The following DSCAM variants were observed in gnomAD, a reference collection of about 807,000 sequenced individuals.
The protein encoded by DSCAM is DS cell adhesion molecule.
Under a neutral mutation model 217.7 loss-of-function variants are expected in DSCAM, and 47 were observed. The observed-to-expected ratio is 0.22, with a 90% CI of 0.17 to 0.28. The LOEUF is 0.28. Among genes scored for constraint, DSCAM ranks in the 10% least tolerant of loss-of-function variants. The pLI, the probability that DSCAM is intolerant of heterozygous loss-of-function variation, is 1.00. For missense variants in DSCAM, 2,080 were observed against 2,618.3 expected (o/e 0.79, Z 4.49); for synonymous variants, 1,056 against 1,015.3 (o/e 1.04, Z -0.76).
Position 40,312,204 on chromosome 21 carries a change from T to G in DSCAM, c.1939A>C (p.Asn647His), listed in dbSNP as rs575509307. The G allele has an allele frequency of 1.2e-6, 2 of 1,614,094 alleles. No homozygotes were observed. The highest frequency in any genetic ancestry group is 1.7e-5 in the Admixed American group (1 of 60,006). Reference sequence around the variant, plus strand: ...CTCAAGGAGCTCGTGAAGTCAATATTGTCAATGGTCACCCCAAGGCTCCCA... The same window carrying G: ...CTCAAGGAGCTCGTGAAGTCAATATGGTCAATGGTCACCCCAAGGCTCCCA... ...IPGSLGVTID[N>H]IDFTSSLRIS... Residue 647 changes from asparagine to histidine, a missense_variant, in exon 9 of 33, where the codon AAT (asparagine) becomes CAT (histidine). By Grantham distance (68) the Asn-to-His change is moderately conservative. Transcript: ENST00000400454.
chr21:40,163,176 G>C (rs1226502755), intron 16 of DSCAM, among the ~76,000 whole-genome samples: 1 of 151,846 alleles, frequency 6.6e-6, no homozygotes, highest in African/African-American at 2.4e-5. Flanking sequence ...AGCTGATTCT[G>C]AGACTGATTA....
At chr21:40,629,076 GGTGTGTGTGTGTGTGTGTGT>G (rs57351838) in intron 3 of DSCAM, among the ~76,000 whole-genome samples, 34 of 144,354 alleles carry the variant, frequency 2.4e-4, no homozygotes, top group Middle Eastern at 3.8e-3. Context: ...GTGTGTGTGT[GGTGTGTGTGTGTGTGTGTGT>G]GTGTGTGTGT....
At chr21:40,109,680 G>T (rs2089869715) in intron 20 of DSCAM, among the ~76,000 whole-genome samples, 1 of 152,244 alleles carries the variant, frequency 6.6e-6, no homozygotes, top group Non-Finnish European at 1.5e-5. Flanking sequence ...AAAGAAAGGG[G>T]TGACAGACGG....
chr21:40,635,069 C>T (rs1568952003), intron 3 of DSCAM, among the ~76,000 whole-genome samples: 2 of 152,136 alleles, frequency 1.3e-5, no homozygotes, highest in Non-Finnish European at 2.9e-5. Context: ...GTTCTTAGTA[C>T]TTCTGTGTTA....
chr21:40,557,771 C>T (rs111571298), intron 3 of DSCAM, among the ~76,000 whole-genome samples: 1,531 of 152,166 alleles, frequency 0.01, 31 homozygotes, highest in African/African-American at 0.035. Context: ...GAATTGTGAG[C>T]CAAGCAAACA....
At chr21:40,392,450 T>C (rs868315617) in intron 3 of DSCAM, among the ~76,000 whole-genome samples, 3 of 152,130 alleles carry the variant, frequency 2.0e-5, no homozygotes, top group Non-Finnish European at 4.4e-5. Flanking sequence ...GATTAGAAAA[T>C]GGTACTCCTG....
At chr21:40,074,950 T>A in intron 27 of DSCAM, 87 bp downstream of exon 27, 1 of 1,415,368 alleles carries the variant, frequency 7.1e-7, no homozygotes, top group East Asian at 2.4e-5. Flanking sequence ...CACTCCCTTT[T>A]GAGGTTTGTT....
intron 3 of DSCAM, among the ~76,000 whole-genome samples, chr21:40,622,524 A>G (rs2089535121): frequency 6.6e-6 from 1 of 152,188 alleles, no homozygotes; most frequent in African/African-American, 2.4e-5. Flanking sequence ...TTACTGACAA[A>G]TAAATGTTGG....
At chr21:40,714,513 T>C (rs926870271) in intron 1 of DSCAM, among the ~76,000 whole-genome samples, 3 of 152,212 alleles carry the variant, frequency 2.0e-5, no homozygotes, top group Non-Finnish European at 4.4e-5. Context: ...TTGTTTTCTC[T>C]GTTGGGTTTT....
intron 3 of DSCAM, among the ~76,000 whole-genome samples, chr21:40,583,174 T>C (rs753673569): frequency 5.9e-5 from 9 of 152,166 alleles, no homozygotes; most frequent in Non-Finnish European, 1.2e-4. Flanking sequence ...ATTTTATAAA[T>C]GTAAGGCAAA....
intron 1 of DSCAM, among the ~76,000 whole-genome samples, chr21:40,790,191 T>TTTC (rs1555889027): frequency 4.1e-5 from 6 of 147,726 alleles, no homozygotes; most frequent in Admixed American, 2.1e-4. Context: ...TTTTTTTTTT[T>TTTC]TTTTTTTTTA....
chr21:40,637,270 AAT>A lies in DSCAM; in HGVS notation c.508+55538_508+55539del, dbSNP rs1235544330. On this transcript the variant is annotated intron_variant, in intron 3 of 32. Transcript: ENST00000400454. ...ATATATATAAATATATATAAATATAAATATATATATATAAATATATATAAATA... is the reference window on the plus strand; with the variant it reads ...ATATATATAAATATATATAAATATAAATATATATATAAATATATATAAATA... 1.3e-3 allele frequency among the ~76,000 whole-genome samples: 4 copies of A among 2,988 alleles called. 1 individual carries two copies. The highest frequency in any genetic ancestry group is 0.017 in the South Asian group (1 of 60). The allele number at this position is 2,988 out of a possible 152,430, so 2.0% of individuals were successfully genotyped here.
chr21:40,542,852 A>G (rs1397189082), intron 3 of DSCAM, among the ~76,000 whole-genome samples: 1 of 152,014 alleles, frequency 6.6e-6, no homozygotes, highest in Non-Finnish European at 1.5e-5. Flanking sequence ...CATTAACCAG[A>G]CTCCAGGTCT....
intron 1 of DSCAM, among the ~76,000 whole-genome samples, chr21:40,840,388 G>A (rs1296658713): frequency 6.6e-6 from 1 of 151,964 alleles, no homozygotes; most frequent in African/African-American, 2.4e-5. Flanking sequence ...GGCGGAGTGG[G>A]CGGGGAACCT....
intron 3 of DSCAM, among the ~76,000 whole-genome samples, chr21:40,406,090 C>T (rs180993739): frequency 3.5e-4 from 53 of 152,158 alleles, no homozygotes; most frequent in South Asian, 3.3e-3. Flanking sequence ...AATTTAAAAC[C>T]GCAATAACGT....
intron 27 of DSCAM, among the ~76,000 whole-genome samples, chr21:40,068,833 C>A (rs1269736313): frequency 6.6e-6 from 1 of 152,112 alleles, no homozygotes; most frequent in Non-Finnish European, 1.5e-5. Flanking sequence ...TGCCTATAAT[C>A]CCAGCACTTT....
At chr21:40,699,785 T>G (rs1463092547) in intron 2 of DSCAM, among the ~76,000 whole-genome samples, 1 of 152,190 alleles carries the variant, frequency 6.6e-6, no homozygotes, top group East Asian at 1.9e-4. Context: ...GCTACTGAGA[T>G]TTAAAGAAAG....
intron 3 of DSCAM, among the ~76,000 whole-genome samples, chr21:40,535,734 A>G (rs1006560824): frequency 6.6e-6 from 1 of 152,186 alleles, no homozygotes; most frequent in Non-Finnish European, 1.5e-5. Flanking sequence ...AATACATAAC[A>G]TGCTAAAGGT....
At chr21:40,083,195 G>A (rs1181858733) in intron 24 of DSCAM, among the ~76,000 whole-genome samples, 2 of 152,198 alleles carry the variant, frequency 1.3e-5, no homozygotes, top group Non-Finnish European at 2.9e-5. Flanking sequence ...TTGAGAGGCC[G>A]AGGTGAGCGG....
Sources: gnomAD v4.1 joint callset for allele counts (sites outside exome capture counted in the v4.1 genomes callset) on GRCh38, gnomAD v4.1.1 for gene constraint, MANE v1.5 for transcripts, NCBI Gene and HGNC (gene_info 2026-07-23, HGNC 2026-07-21) for gene names.